GPC6: variants seen among roughly 807,000 people sequenced by gnomAD.
The protein encoded by GPC6 is glypican 6, also known as glypican-6.
A neutral mutation model predicts 55.2 loss-of-function variants in GPC6; 14 were observed. That is an observed-to-expected ratio of 0.25 (90% CI 0.17 to 0.40). GPC6 has a LOEUF of 0.40. GPC6 is among the 10% of genes least tolerant of loss of function. The pLI, the probability that GPC6 is intolerant of heterozygous loss-of-function variation, is 1.00. For missense variants in GPC6, 641 were observed against 708.5 expected (o/e 0.90, Z 1.08); for synonymous variants, 278 against 259.6 (o/e 1.07, Z -0.68).
At chr13:94,268,394 C>G (rs1891881021) in intron 4 of GPC6, among the ~76,000 whole-genome samples, 1 of 152,032 alleles carries the variant, frequency 6.6e-6, no homozygotes, top group African/African-American at 2.4e-5. Flanking sequence ...TTTTAGTAGC[C>G]CCAAATTATC....
intron 2 of GPC6, among the ~76,000 whole-genome samples, chr13:93,756,479 A>G (rs1884774908): frequency 6.6e-6 from 1 of 152,160 alleles, no homozygotes; most frequent in South Asian, 2.1e-4. Context: ...AATGGCCACC[A>G]TATAATTCCT....
chr13:93,687,515 A>G lies in GPC6; in HGVS notation c.319+142094A>G, dbSNP rs533680396. ...TGGTGTGCTATATTAAGTAGTGGTT[A>G]CCAACAGTCTCTGCAGCAGGAATGC... is the stretch of plus-strand genomic sequence containing the variant. On this transcript the variant is annotated intron_variant, in intron 2 of 8. Transcript: ENST00000377047. Among the ~76,000 whole-genome samples, 81 of 152,242 alleles carry G rather than the reference A, an allele frequency of 5.3e-4. 1 individual carries two copies. The highest frequency in any genetic ancestry group is 3.4e-3 in the Middle Eastern group (1 of 294).
At chr13:93,834,330 A>T (rs895697433) in intron 3 of GPC6, among the ~76,000 whole-genome samples, 2 of 152,208 alleles carry the variant, frequency 1.3e-5, no homozygotes, top group African/African-American at 4.8e-5. Flanking sequence ...TCATTGTGAG[A>T]GATAAACATC....
chr13:93,893,480 A>G (rs1875812964), intron 3 of GPC6, among the ~76,000 whole-genome samples: 1 of 152,204 alleles, frequency 6.6e-6, no homozygotes, highest in South Asian at 2.1e-4. Context: ...CAGTTGTAAT[A>G]GAAAATTAAA....
intron 1 of GPC6, among the ~76,000 whole-genome samples, chr13:93,396,377 A>G (rs557147532): frequency 1.5e-4 from 23 of 152,126 alleles, no homozygotes; most frequent in Non-Finnish European, 2.8e-4. Context: ...AGCCTGGCCA[A>G]TACGGTGAAA....
At chr13:93,874,912 C>T (rs1297725763) in intron 3 of GPC6, among the ~76,000 whole-genome samples, 3 of 151,922 alleles carry the variant, frequency 2.0e-5, no homozygotes, top group Non-Finnish European at 4.4e-5. Flanking sequence ...TAATTTTGTG[C>T]TTATCTTAAC....
At chr13:94,229,362 G>C (rs1019264784) in intron 4 of GPC6, among the ~76,000 whole-genome samples, 2 of 152,048 alleles carry the variant, frequency 1.3e-5, no homozygotes, top group Non-Finnish European at 2.9e-5. Flanking sequence ...GGTTATCAAC[G>C]GCTATTTTAT....
intron 2 of GPC6, among the ~76,000 whole-genome samples, chr13:93,640,402 A>G (rs949719758): frequency 1.3e-5 from 2 of 152,082 alleles, no homozygotes; most frequent in African/African-American, 4.8e-5. Flanking sequence ...TCCTTGTTTT[A>G]TATAGAAAAA....
chr13:93,961,808 C>CT (rs11410373), intron 3 of GPC6, among the ~76,000 whole-genome samples: 15,517 of 151,166 alleles, frequency 0.1, 2,112 homozygotes, highest in African/African-American at 0.3. Flanking sequence ...TTCTCCCCTC[C>CT]TTTTTTTTTA....
chr13:94,119,696 G>C (rs1886557879), intron 4 of GPC6, among the ~76,000 whole-genome samples: 1 of 152,142 alleles, frequency 6.6e-6, no homozygotes, highest in Admixed American at 6.6e-5. Flanking sequence ...GGCTTGAGTA[G>C]AGGGAAGCGA....
At chr13:94,223,278 T>C (rs916082440) in intron 4 of GPC6, among the ~76,000 whole-genome samples, 2 of 152,290 alleles carry the variant, frequency 1.3e-5, no homozygotes, top group African/African-American at 4.8e-5. Context: ...AGATACTCCA[T>C]CAATTGGATA....
At chr13:93,341,921 CTTT>C (rs1228081773) in intron 1 of GPC6, among the ~76,000 whole-genome samples, 2 of 137,030 alleles carry the variant, frequency 1.5e-5, no homozygotes, top group Non-Finnish European at 1.6e-5. Context: ...TTTTTTCTTT[CTTT>C]TTTTTTTTTT....
chr13:93,906,541 A>G (rs1009839775), intron 3 of GPC6, among the ~76,000 whole-genome samples: 3 of 152,164 alleles, frequency 2.0e-5, no homozygotes, highest in Non-Finnish European at 4.4e-5. Flanking sequence ...AAAACTTTCC[A>G]TTGATAATAC....
chr13:93,774,400 A>AT (rs759155040), intron 2 of GPC6, among the ~76,000 whole-genome samples: 5 of 152,202 alleles, frequency 3.3e-5, no homozygotes, highest in Non-Finnish European at 7.3e-5. Context: ...ATTAGGGACC[A>AT]TATCACAAAG....
intron 1 of GPC6, among the ~76,000 whole-genome samples, chr13:93,318,645 T>A (rs1217621028): frequency 6.6e-6 from 1 of 151,998 alleles, no homozygotes; most frequent in Non-Finnish European, 1.5e-5. Flanking sequence ...AGGAGGGGTT[T>A]CTAGAGCAGA....
chr13:94,148,881 A>G (rs1393933664), intron 4 of GPC6, among the ~76,000 whole-genome samples: 2 of 152,134 alleles, frequency 1.3e-5, no homozygotes, highest in African/African-American at 4.8e-5. Context: ...TATAAAATGG[A>G]GATAAAATAT....
At chr13:94,150,275 T>C (rs552104740) in intron 4 of GPC6, among the ~76,000 whole-genome samples, 70 of 152,232 alleles carry the variant, frequency 4.6e-4, no homozygotes, top group African/African-American at 1.6e-3. Flanking sequence ...CCCACCATCA[T>C]TTCTTGCCTG....
At chr13:93,974,173 C>T (rs1439557670) in intron 3 of GPC6, among the ~76,000 whole-genome samples, 1 of 152,176 alleles carries the variant, frequency 6.6e-6, no homozygotes, top group African/African-American at 2.4e-5. Context: ...GACAGTTTCT[C>T]TGAATTCCTG....
intron 1 of GPC6, among the ~76,000 whole-genome samples, chr13:93,288,692 A>G (rs1332277839): frequency 6.6e-6 from 1 of 152,222 alleles, no homozygotes; most frequent in East Asian, 1.9e-4. Context: ...TGTATAGGGA[A>G]TAAACATGCT....
Sources: gnomAD v4.1 joint callset for allele counts (sites outside exome capture counted in the v4.1 genomes callset) on GRCh38, gnomAD v4.1.1 for gene constraint, MANE v1.5 for transcripts, NCBI Gene and HGNC (gene_info 2026-07-23, HGNC 2026-07-21) for gene names.